Variants in NHSL1 observed in about 807,000 individuals in gnomAD.
NHSL1 encodes the protein NHS like 1.
A neutral mutation model predicts 95.0 loss-of-function variants in NHSL1; 48 were observed. The ratio of observed to expected loss-of-function variants is 0.51; its 90% CI spans 0.40 to 0.64. The LOEUF (loss-of-function observed/expected upper bound fraction) is 0.64. Among genes scored for constraint, NHSL1 ranks in the 30% least tolerant of loss-of-function variants. NHSL1 has a pLI of 0.00. For synonymous variants in NHSL1, 783 were observed against 833.9 expected (o/e 0.94, Z 1.05); for missense variants, 1,971 against 2,077.7 (o/e 0.95, Z 1.00).
chr6:138,496,286 G>A lies in NHSL1; in HGVS notation c.144C>T (p.Thr48=), dbSNP rs1450151778. The change falls in exon 2 of 8, where the codon ACC becomes ACT. Residue 48 remains threonine, a synonymous_variant. Coordinates refer to ENST00000343505, the MANE Select transcript of NHSL1 (RefSeq NM_001144060.2). ...WHQQENVFLP[T]TRPPCVEDLH... ...GGTCCTCAACACAGGGGGGTCTTGT[G>A]GTGGGAAGGAACACATTCTCCTGCT... The A allele has an allele frequency of 8.4e-6, 13 of 1,550,976 alleles. No individual in the cohort carries two copies. In the South Asian group the frequency reaches 1.5e-4, roughly 18 times the overall value.
At chr6:138,603,001 A>T (rs1311140979) in intron 1 of NHSL1, among the ~76,000 whole-genome samples, 1 of 152,212 alleles carries the variant, frequency 6.6e-6, no homozygotes, top group Admixed American at 6.5e-5. Context: ...CCAAACAAAC[A>T]GAGAAATTAC....
At chr6:138,437,445 C>CAAAA (rs1202687511) in intron 5 of NHSL1, among the ~76,000 whole-genome samples, 14 of 61,808 alleles carry the variant, frequency 2.3e-4, no homozygotes, top group African/African-American at 8.2e-4. Context: ...CACACACACA[C>CAAAA]AAAAAAAAAA....
At chr6:138,506,169 C>T (rs1019932655) in intron 1 of NHSL1, among the ~76,000 whole-genome samples, 1 of 152,084 alleles carries the variant, frequency 6.6e-6, no homozygotes, top group Admixed American at 6.5e-5. Flanking sequence ...ACTTAATAAA[C>T]ATTCATAATG....
At chr6:138,536,980 G>A (rs984147103) in intron 1 of NHSL1, among the ~76,000 whole-genome samples, 1 of 152,180 alleles carries the variant, frequency 6.6e-6, no homozygotes, top group African/African-American at 2.4e-5. Flanking sequence ...ATTAAGGGGA[G>A]CTCATTCCCA....
At chr6:138,527,501 C>T (rs184024175) in intron 1 of NHSL1, among the ~76,000 whole-genome samples, 32 of 152,170 alleles carry the variant, frequency 2.1e-4, no homozygotes, top group Non-Finnish European at 4.1e-4. Context: ...CCATGAATAG[C>T]GGCTGAATTT....
intron 1 of NHSL1, among the ~76,000 whole-genome samples, chr6:138,526,499 C>T (rs1781911922): frequency 6.6e-6 from 1 of 152,090 alleles, no homozygotes; most frequent in Non-Finnish European, 1.5e-5. Flanking sequence ...ACAAAACTTC[C>T]TATTTTACCA....
chr6:138,586,679 G>C (rs764702686), intron 1 of NHSL1, among the ~76,000 whole-genome samples: 3 of 152,152 alleles, frequency 2.0e-5, no homozygotes, highest in Admixed American at 2.0e-4. Flanking sequence ...CTCATCAAAT[G>C]TTCTGCCACC....
chr6:138,581,162 C>T (rs77736136), intron 1 of NHSL1, among the ~76,000 whole-genome samples: 2,593 of 152,236 alleles, frequency 0.017, 60 homozygotes, highest in African/African-American at 0.059. Flanking sequence ...TTAGAGCAGC[C>T]GTAGGAAACT....
At chr6:138,429,579 A>T in intron 7 of NHSL1, 132 bp downstream of exon 7, 1 of 789,278 alleles carries the variant, frequency 1.3e-6, no homozygotes, top group South Asian at 2.3e-5. Context: ...CCCACTAAAA[A>T]ATCAACAGTA....
At chr6:138,555,617 A>G (rs1307501195) in intron 1 of NHSL1, among the ~76,000 whole-genome samples, 1 of 152,192 alleles carries the variant, frequency 6.6e-6, no homozygotes, top group African/African-American at 2.4e-5. Flanking sequence ...GCGGAATAAA[A>G]GTGACATGAG....
intron 1 of NHSL1, among the ~76,000 whole-genome samples, chr6:138,592,435 C>G (rs768363983): frequency 1.7e-4 from 26 of 152,006 alleles, no homozygotes; most frequent in Non-Finnish European, 2.5e-4. Flanking sequence ...CCCGTCTCTA[C>G]TAAAAATACA....
chr6:138,422,830 C>A lies in NHSL1; in HGVS notation c.*1251G>T, dbSNP rs1009462938. ...CTTTTTAATCTAAAAATTCATTTCC[C>A]AGGGCTAATTGATAGCCAGGCCCTA... On this transcript the variant is annotated 3_prime_UTR_variant, in exon 8 of 8. Coordinates refer to ENST00000343505, the MANE Select transcript of NHSL1 (RefSeq NM_001144060.2). 1.3e-5 allele frequency: 2 copies of A among 152,052 alleles called. No individual in the cohort carries two copies. The highest frequency in any genetic ancestry group is 4.8e-5 in the African/African-American group (2 of 41,398). The allele number at this position is 152,052 out of a possible 1,614,324, so 9.4% of individuals were successfully genotyped here.
chr6:138,587,017 T>C (rs1006013442), intron 1 of NHSL1, among the ~76,000 whole-genome samples: 1 of 152,004 alleles, frequency 6.6e-6, no homozygotes, highest in Non-Finnish European at 1.5e-5. Flanking sequence ...CTGTCATCCA[T>C]GTTGGAGTGC....
intron 1 of NHSL1, among the ~76,000 whole-genome samples, chr6:138,632,933 C>T (rs1187495594): frequency 6.6e-6 from 1 of 151,976 alleles, no homozygotes; most frequent in East Asian, 1.9e-4. Flanking sequence ...TTCAAAATAG[C>T]TTTTTTAAGA....
intron 1 of NHSL1, among the ~76,000 whole-genome samples, chr6:138,682,842 T>C (rs954438575): frequency 6.6e-6 from 1 of 152,146 alleles, no homozygotes; most frequent in Admixed American, 6.5e-5. Context: ...AAGCTCCCAG[T>C]GACTCCGATG....
At chr6:138,521,680 C>G (rs1781689144) in intron 1 of NHSL1, among the ~76,000 whole-genome samples, 1 of 152,056 alleles carries the variant, frequency 6.6e-6, no homozygotes, top group African/African-American at 2.4e-5. Flanking sequence ...GAGTTTTTTG[C>G]TGAAGGTGCC....
chr6:138,576,210 T>C (rs1783969758), upstream of NHSL1, among the ~76,000 whole-genome samples: 1 of 152,116 alleles, frequency 6.6e-6, no homozygotes, highest in Non-Finnish European at 1.5e-5. Context: ...CAGTCTGATC[T>C]CAAACTCCTG....
At chr6:138,647,226 G>A (rs963827324) in intron 1 of NHSL1, among the ~76,000 whole-genome samples, 5 of 152,130 alleles carry the variant, frequency 3.3e-5, no homozygotes, top group African/African-American at 9.7e-5. Flanking sequence ...ATGGAGCAAC[G>A]TACAGCACAA....
intron 3 of NHSL1, among the ~76,000 whole-genome samples, chr6:138,462,223 G>A (rs78092092): frequency 0.011 from 1,718 of 152,314 alleles, 9 homozygotes; most frequent in Middle Eastern, 0.027. Context: ...CACAGGTTGG[G>A]AAGTTCAAGG....
Sources: gnomAD v4.1 joint callset for allele counts (sites outside exome capture counted in the v4.1 genomes callset) on GRCh38, gnomAD v4.1.1 for gene constraint, MANE v1.5 for transcripts, NCBI Gene and HGNC (gene_info 2026-07-23, HGNC 2026-07-21) for gene names.